EPRS1: variants seen among roughly 807,000 people sequenced by gnomAD.
The protein encoded by EPRS1 is bifunctional glutamate/proline--tRNA ligase.
A neutral mutation model predicts 188.3 loss-of-function variants in EPRS1; 107 were observed. The ratio of observed to expected loss-of-function variants is 0.57; its 90% CI spans 0.49 to 0.67. The LOEUF (loss-of-function observed/expected upper bound fraction) is 0.67, where lower values mean the gene tolerates loss of function less well. EPRS1 is among the 30% of genes least tolerant of loss of function. The pLI is 0.00. For synonymous variants in EPRS1, 596 were observed against 593.1 expected (o/e 1.00, Z -0.07); for missense variants, 1,577 against 1,802.2 (o/e 0.88, Z 2.26).
intron 23 of EPRS1, among the ~76,000 whole-genome samples, chr1:219,981,683 A>G (rs558697675): frequency 1.3e-5 from 2 of 152,368 alleles, no homozygotes; most frequent in East Asian, 1.9e-4. Context: ...AAACTTGATC[A>G]TATTTTACAT....
intron 16 of EPRS1, among the ~76,000 whole-genome samples, chr1:220,003,727 T>C (rs1297931396): frequency 6.6e-6 from 1 of 152,204 alleles, no homozygotes; most frequent in African/African-American, 2.4e-5. Context: ...CATTACTAAA[T>C]ACTTAAGGAG....
chr1:219,976,842 T>C (rs546945857), intron 28 of EPRS1, among the ~76,000 whole-genome samples: 7 of 152,318 alleles, frequency 4.6e-5, no homozygotes, highest in Non-Finnish European at 7.4e-5. Context: ...TAAAACTAGT[T>C]ACAAATTTAA....
chr1:220,020,769 A>C (rs1455632015), intron 9 of EPRS1, among the ~76,000 whole-genome samples: 1 of 147,450 alleles, frequency 6.8e-6, no homozygotes, highest in East Asian at 2.0e-4. Context: ...ATAGTCTAAA[A>C]AACAGTTTCT....
In EPRS1 at chr1:220,034,971, C is replaced by G. The variant is rs371484182; in HGVS notation, c.174G>C (p.Leu58Phe). The G allele has an allele frequency of 6.2e-7, 1 of 1,602,214 alleles. No homozygotes were observed. The highest frequency in any genetic ancestry group is 1.3e-5 in the African/African-American group (1 of 74,432). ...FTDVNSILRY[L>F]ARVATTAGLY... ...ACCCAGCTGTAGTTGCAACTCTAGC[C>G]AAGTAGCGAAGTATAGAATTCACAT... The change falls in exon 3 of 32, where the codon TTG (leucine) becomes TTC (phenylalanine). Residue 58 changes from leucine (L) to phenylalanine (F), a missense_variant. By Grantham distance (22) the Leu-to-Phe change is conservative. Transcript: ENST00000366923.
chr1:219,968,759 T>C lies in EPRS1; in HGVS notation c.*47A>G. The C allele has an allele frequency of 6.3e-7, 1 of 1,585,692 alleles. No homozygotes were observed. The highest frequency in any genetic ancestry group is 8.7e-7 in the Non-Finnish European group (1 of 1,155,000). ...GTATCTGAGAAGATACTAATATCAA[T>C]GCTTTAAAAAGTGAGAGGAGTTGAA... On this transcript the variant is annotated 3_prime_UTR_variant, in exon 32 of 32. Coordinates refer to ENST00000366923, the MANE Select transcript of EPRS1 (RefSeq NM_004446.3).
chr1:220,019,019 T>C lies in EPRS1; in HGVS notation c.1410A>G (p.Gly470=). The C allele has an allele frequency of 6.2e-7, 1 of 1,612,848 alleles. No individual in the cohort carries two copies. ...CCTGAGCAGCAATAAACTGTTTCAG[T>C]CCTTCAACTGTCATCCCTCTTCTCA... ...GVLRRGMTVE[G]LKQFIAAQGS... is the part of the protein sequence containing the mutation. The change falls in exon 11 of 32, where the codon GGA becomes GGG. Residue 470 remains glycine (G), a synonymous_variant. Transcript: ENST00000366923.
intron 15 of EPRS1, among the ~76,000 whole-genome samples, chr1:220,005,700 T>A (rs1238018437): frequency 6.6e-6 from 1 of 152,162 alleles, no homozygotes; most frequent in African/African-American, 2.4e-5. Flanking sequence ...AAGGCTTAAA[T>A]ACGAGGGTCA....
In EPRS1 at chr1:219,973,383, G is replaced by C. The variant is rs1660706649; in HGVS notation, c.4099C>G (p.Leu1367Val). 3 of 1,611,224 alleles carry C rather than the reference G, an allele frequency of 1.9e-6. No individual in the cohort carries two copies. The highest frequency in any genetic ancestry group is 2.5e-6 in the Non-Finnish European group (3 of 1,178,874). Reference protein sequence around the residue: ...HWELKGVPIRLEVGPRDMKSC... With the variant: ...HWELKGVPIRVEVGPRDMKSC... ...TTCATATCACGTGGCCCAACTTCAA[G>C]TCTAATGGGAACTCCCTATAAGATA... Residue 1367 changes from leucine (L) to valine (V), a missense_variant, in exon 29 of 32, where the codon CTT (leucine) becomes GTT (valine). This residue lies in a region of EPRS1 where 296 missense variants were observed against 327.9 expected (regional missense o/e 0.90). Coordinates refer to ENST00000366923, the MANE Select transcript of EPRS1 (RefSeq NM_004446.3).
At position 219,973,276 on chromosome 1, in the gene EPRS1, T is replaced by C. The variant is rs749662281; in HGVS notation, c.4206A>G (p.Gln1402=). The C allele has an allele frequency of 2.1e-5, 34 of 1,612,716 alleles. No homozygotes were observed. Among genetic ancestry groups the C allele is most frequent in the South Asian group, 2.0e-4 (18 of 90,972 alleles). Residue 1402 remains glutamine (Q), a synonymous_variant, in exon 29 of 32, where the codon CAA becomes CAG. Transcript: ENST00000366923. ...TGACCTGGATGTCTTCCAAAATAGC[T>C]TGAAGTTTAGTCTCTGCCTCATTTT... ...VAENEAETKL[Q]AILEDIQVTL... is the part of the protein sequence containing the mutation.
chr1:220,016,478 A>G (rs1402073506), intron 12 of EPRS1, among the ~76,000 whole-genome samples: 1 of 151,130 alleles, frequency 6.6e-6, no homozygotes, highest in Non-Finnish European at 1.5e-5. Flanking sequence ...TGGTGTGATC[A>G]GGACTCACTG....
chr1:220,022,042 A>C (rs1217837527), intron 9 of EPRS1, among the ~76,000 whole-genome samples: 1 of 152,228 alleles, frequency 6.6e-6, no homozygotes, highest in Non-Finnish European at 1.5e-5. Context: ...TACAGGAAGC[A>C]AAGTATCTTC....
At chr1:220,042,430 G>GCCAA (rs1662314160) in intron 1 of EPRS1, among the ~76,000 whole-genome samples, 1 of 149,930 alleles carries the variant, frequency 6.7e-6, no homozygotes, top group Admixed American at 6.7e-5. Flanking sequence ...TTTGCAGTGA[G>GCCAA]CCAAGATCGT....
chr1:220,026,394 T>C (rs963797774), intron 6 of EPRS1, among the ~76,000 whole-genome samples: 17 of 152,178 alleles, frequency 1.1e-4, no homozygotes, highest in African/African-American at 3.9e-4. Flanking sequence ...GAAAATATGT[T>C]ACACCACTAT....
chr1:219,978,634 C>A lies in EPRS1; in HGVS notation c.3995G>T (p.Arg1332Met), dbSNP rs1177467134. ...ALIAKCNDYR[R>M]RLLSVNIRVR... is the part of the protein sequence containing the mutation. ...GCGGATGTTAACACTGAGTAATCGCCTTCGATAATCATTGCATTTTGCAAT... is the reference window on the plus strand; with the variant it reads ...GCGGATGTTAACACTGAGTAATCGCATTCGATAATCATTGCATTTTGCAAT... The change falls in exon 28 of 32, where the codon AGG becomes ATG. Residue 1332 changes from arginine to methionine, a missense_variant. Physicochemically the swap from Arg to Met is moderately conservative, Grantham distance 91. Around this residue, in one of 3 missense-constraint regions of EPRS1, gnomAD observed 296 missense variants for 327.9 expected, o/e 0.90. Transcript: ENST00000366923. 1.9e-6 allele frequency: 3 copies of A among 1,612,500 alleles called. No individual in the cohort carries two copies. In the East Asian group the frequency reaches 6.7e-5, roughly 36 times the overall value.
intron 16 of EPRS1, 145 bp from the exon 17 acceptor site, chr1:220,001,400 C>A: frequency 4.9e-6 from 3 of 616,410 alleles, no homozygotes; most frequent in Non-Finnish European, 8.7e-6. Flanking sequence ...CAGTCTCACT[C>A]TGTCGCCCAG....
Position 220,022,343 on chromosome 1 carries a change from T to A in EPRS1, c.1115+4A>T. The A allele has an allele frequency of 6.2e-7, 1 of 1,611,678 alleles. No individual in the cohort carries two copies. Among genetic ancestry groups the A allele is most frequent in the African/African-American group, 1.3e-5 (1 of 74,944 alleles). On this transcript the variant is annotated splice_donor_region_variant and intron_variant, in intron 9 of 31. Transcript: ENST00000366923. ...ACCTAGCATATTGAAGGAGATATAC[T>A]TACTTGTATTTATTTCCAGTTCTTG...
At chr1:220,003,424 AT>A (rs1490975573) in intron 16 of EPRS1, among the ~76,000 whole-genome samples, 2 of 151,880 alleles carry the variant, frequency 1.3e-5, no homozygotes, top group Admixed American at 6.6e-5. Context: ...AGTCCAATTT[AT>A]TTTTTTTCTT....
In EPRS1 at chr1:219,980,215, G is replaced by T; in HGVS notation, c.3581C>A (p.Ala1194Asp). 6.2e-7 allele frequency: 1 copy of T among 1,612,454 alleles called. No individual in the cohort carries two copies. The highest frequency in any genetic ancestry group is 8.5e-7 in the Non-Finnish European group (1 of 1,179,026). ...TGCCAGGAGTTCTTCATATACCTGAGCATATAAGTCAAGTATCTGCAAGAC... is the reference window on the plus strand; with the variant it reads ...TGCCAGGAGTTCTTCATATACCTGATCATATAAGTCAAGTATCTGCAAGAC... ...EEVLQILDLY[A>D]QVYEELLAIP... Residue 1194 changes from alanine (A) to aspartate (D), a missense_variant, in exon 26 of 32, where the codon GCT becomes GAT. By Grantham distance (126) the Ala-to-Asp change is moderately radical. Coordinates refer to ENST00000366923, the MANE Select transcript of EPRS1 (RefSeq NM_004446.3).
chr1:220,006,397 T>G (rs1188175610), intron 14 of EPRS1, 84 bp from the exon 15 acceptor site: 2 of 384,842 alleles, frequency 5.2e-6, no homozygotes, highest in African/African-American at 4.2e-5. Flanking sequence ...TAATTTTATA[T>G]TATTATAAAA....
Sources: gnomAD v4.1 joint callset for allele counts (sites outside exome capture counted in the v4.1 genomes callset) on GRCh38, gnomAD v4.1.1 for gene constraint, gnomAD v4.1.1 regional missense constraint, MANE v1.5 for transcripts, NCBI Gene and HGNC (gene_info 2026-07-23, HGNC 2026-07-21) for gene names.